The following ARID4B variants were observed in gnomAD, a reference collection of about 807,000 sequenced individuals.
ARID4B encodes AT-rich interactive domain-containing protein 4B.
Under a neutral mutation model 147.5 loss-of-function variants are expected in ARID4B, and 26 were observed. The observed-to-expected ratio is 0.18, with a 90% CI of 0.13 to 0.24. The LOEUF (loss-of-function observed/expected upper bound fraction) is 0.24, where lower values mean the gene tolerates loss of function less well. Ranked by LOEUF, ARID4B falls within the 10% of genes least tolerant of loss-of-function variation. The probability of loss-of-function intolerance (pLI) is 1.00; values close to 1 mark genes in which losing one functional copy is unlikely to be tolerated. For missense variants in ARID4B, 1,179 were observed against 1,511.5 expected (o/e 0.78, Z 3.65); for synonymous variants, 512 against 507.9 (o/e 1.01, Z -0.11).
chr1:235,283,643 T>C (rs1244284567), intron 2 of ARID4B, among the ~76,000 whole-genome samples: 1 of 152,172 alleles, frequency 6.6e-6, no homozygotes, highest in East Asian at 1.9e-4. Flanking sequence ...ATTTAACATT[T>C]ACTTAAGACA....
At chr1:235,214,608 A>G (rs571839859) in intron 16 of ARID4B, among the ~76,000 whole-genome samples, 61 of 152,236 alleles carry the variant, frequency 4.0e-4, no homozygotes, top group African/African-American at 1.4e-3. Flanking sequence ...AATAACTGAA[A>G]TACTATTTTA....
chr1:235,315,999 C>T (rs1489340283), intron 2 of ARID4B, among the ~76,000 whole-genome samples: 1 of 151,194 alleles, frequency 6.6e-6, no homozygotes, highest in African/African-American at 2.4e-5. Context: ...ACGCAACATA[C>T]CAAGACTCTG....
intron 17 of ARID4B, among the ~76,000 whole-genome samples, chr1:235,212,361 C>A (rs1311098479): frequency 6.6e-6 from 1 of 152,192 alleles, no homozygotes; most frequent in Non-Finnish European, 1.5e-5. Context: ...GGATGACTAT[C>A]ACATCTAAGC....
At chr1:235,169,007 C>T (rs1426866109) in intron 23 of ARID4B, among the ~76,000 whole-genome samples, 2 of 152,128 alleles carry the variant, frequency 1.3e-5, no homozygotes, top group Non-Finnish European at 2.9e-5. Flanking sequence ...ATCTGCAATC[C>T]ATCCAAAAAT....
Position 235,279,558 on chromosome 1 carries a change from C to T in ARID4B, c.7-18806G>A, listed in dbSNP as rs1354574281. On this transcript the variant is annotated intron_variant, in intron 2 of 23. Transcript: ENST00000264183. ...GAGATAAAATAATCAACGCAAACAA[C>T]TAAAGAATTAGTAAATAAAAAGCTA... 2.6e-5 allele frequency among the ~76,000 whole-genome samples: 4 copies of T among 152,114 alleles called. 1 individual carries two copies. The South Asian group carries it at 6.2e-4, about 24-fold the overall frequency.
At chr1:235,263,520 G>A (rs149904119) in intron 2 of ARID4B, among the ~76,000 whole-genome samples, 2,132 of 152,258 alleles carry the variant, frequency 0.014, 28 homozygotes, top group Non-Finnish European at 0.019. Context: ...CCCAAATTAA[G>A]CCCATCCCAC....
chr1:235,304,224 T>C (rs890644397), intron 2 of ARID4B, among the ~76,000 whole-genome samples: 2 of 151,948 alleles, frequency 1.3e-5, no homozygotes, highest in South Asian at 4.1e-4. Flanking sequence ...GGCATACACC[T>C]GTAGTCTCAG....
chr1:235,309,566 C>G (rs549372820), intron 2 of ARID4B, among the ~76,000 whole-genome samples: 1 of 148,846 alleles, frequency 6.7e-6, no homozygotes, highest in Non-Finnish European at 1.5e-5. Flanking sequence ...GTCAGCCCCC[C>G]GCCCGGTCAG....
chr1:235,296,115 C>T (rs771731333), intron 2 of ARID4B: 15 of 173,314 alleles, frequency 8.7e-5, no homozygotes, highest in South Asian at 1.5e-4. Context: ...CAAGTTTCCC[C>T]TGACCACTGA....
intron 2 of ARID4B, among the ~76,000 whole-genome samples, chr1:235,315,063 C>A (rs1262128897): frequency 6.6e-6 from 1 of 151,984 alleles, no homozygotes; most frequent in East Asian, 1.9e-4. Context: ...TGTCACATTG[C>A]CAAAAATTTA....
At position 235,172,775 on chromosome 1, in the gene ARID4B, A is replaced by C; in HGVS notation, c.3665-11T>G. On this transcript the variant is annotated splice_polypyrimidine_tract_variant and intron_variant, in intron 22 of 23. Coordinates refer to ENST00000264183, the MANE Select transcript of ARID4B (RefSeq NM_016374.6). The stretch of plus-strand genomic sequence containing the variant: ...TATTTTCCAGGTCCGCTATAAATTT[A>C]AAGCTTTCATTAACAGACATTTTTA... 1 of 1,528,924 alleles carries C rather than the reference A, an allele frequency of 6.5e-7. No individual in the cohort carries two copies. The highest frequency in any genetic ancestry group is 8.7e-7 in the Non-Finnish European group (1 of 1,144,936). 94.7% of individuals were successfully genotyped at this position (1,528,924 alleles called of 1,614,324 possible). A position where few individuals can be genotyped will look rare whatever the true frequency, so the allele number is the denominator to read the frequency against.
intron 2 of ARID4B, 119 bp downstream of exon 2, chr1:235,326,795 A>G: frequency 7.5e-7 from 1 of 1,333,456 alleles, no homozygotes; most frequent in Non-Finnish European, 1.1e-6. Flanking sequence ...CTCGGTCACC[A>G]AGTCACCAAA....
At chr1:235,183,366 G>A (rs992847981) in intron 19 of ARID4B, among the ~76,000 whole-genome samples, 4 of 151,776 alleles carry the variant, frequency 2.6e-5, no homozygotes, top group Non-Finnish European at 5.9e-5. Context: ...CCACCACCAC[G>A]CCCGGCTAAT....
At chr1:235,316,541 G>C (rs1321562836) in intron 2 of ARID4B, among the ~76,000 whole-genome samples, 1 of 150,086 alleles carries the variant, frequency 6.7e-6, no homozygotes, top group Admixed American at 6.7e-5. Flanking sequence ...ATAAGGCTGG[G>C]CACGGTGGCT....
At chr1:235,249,783 T>C (rs1055156762) in intron 6 of ARID4B, among the ~76,000 whole-genome samples, 4 of 149,266 alleles carry the variant, frequency 2.7e-5, no homozygotes, top group Non-Finnish European at 4.5e-5. Flanking sequence ...CTACTAAAAA[T>C]ACAAAAATTA....
At chr1:235,177,588 T>C in intron 21 of ARID4B, 1 of 423,154 alleles carries the variant, frequency 2.4e-6, no homozygotes, top group South Asian at 4.3e-5. Flanking sequence ...AACTCATCAT[T>C]TACATTAGGT....
intron 17 of ARID4B, among the ~76,000 whole-genome samples, chr1:235,204,116 T>G (rs1316299016): frequency 6.6e-6 from 1 of 152,056 alleles, no homozygotes; most frequent in Non-Finnish European, 1.5e-5. Context: ...GACGTCAGGA[T>G]TTCAAGACCA....
At chr1:235,226,998 A>G (rs1368022728) in intron 11 of ARID4B, among the ~76,000 whole-genome samples, 1 of 152,136 alleles carries the variant, frequency 6.6e-6, no homozygotes, top group Non-Finnish European at 1.5e-5. Context: ...CTAGCAAATG[A>G]ACTGGTGCTT....
intron 17 of ARID4B, among the ~76,000 whole-genome samples, chr1:235,211,650 T>C (rs1160045883): frequency 6.6e-6 from 1 of 152,102 alleles, no homozygotes; most frequent in Non-Finnish European, 1.5e-5. Context: ...ATGATCATAG[T>C]TCACTGCAGC....
Sources: gnomAD v4.1 joint callset for allele counts (sites outside exome capture counted in the v4.1 genomes callset) on GRCh38, gnomAD v4.1.1 for gene constraint, MANE v1.5 for transcripts, NCBI Gene and HGNC (gene_info 2026-07-23, HGNC 2026-07-21) for gene names.